The following PIK3C2A variants were observed in gnomAD, a reference collection of about 807,000 sequenced individuals.
PIK3C2A encodes the protein phosphatidylinositol-4-phosphate 3-kinase catalytic subunit type 2 alpha.
PIK3C2A carries 97 observed loss-of-function variants against 204.5 expected under a neutral mutation model. The observed-to-expected ratio is 0.47, with a 90% CI of 0.40 to 0.56. PIK3C2A has a LOEUF of 0.56. Ranked by LOEUF, PIK3C2A falls within the 20% of genes least tolerant of loss-of-function variation. The pLI is 0.00. For missense variants in PIK3C2A, 1,735 were observed against 1,969.2 expected (o/e 0.88, Z 2.25); for synonymous variants, 653 against 664.4 (o/e 0.98, Z 0.26).
chr11:17,202,442 C>T (rs1852422160), intron 1 of PIK3C2A, among the ~76,000 whole-genome samples: 1 of 151,820 alleles, frequency 6.6e-6, no homozygotes, highest in South Asian at 2.1e-4. Context: ...GGCGTGATGG[C>T]ACGTGCTTGT....
At chr11:17,162,133 C>G (rs1403872885) in intron 2 of PIK3C2A, among the ~76,000 whole-genome samples, 4 of 152,026 alleles carry the variant, frequency 2.6e-5, no homozygotes, top group Admixed American at 6.6e-5. Context: ...GTCACGAGTT[C>G]AAGACCAGCC....
intron 24 of PIK3C2A, among the ~76,000 whole-genome samples, 165 bp downstream of exon 24, chr11:17,102,497 T>C (rs1848671866): frequency 6.6e-6 from 1 of 152,096 alleles, no homozygotes; most frequent in African/African-American, 2.4e-5. Context: ...TATACACATT[T>C]ACACACATTC....
intron 8 of PIK3C2A, among the ~76,000 whole-genome samples, chr11:17,145,401 G>T (rs191708649): frequency 6.6e-6 from 1 of 152,108 alleles, no homozygotes; most frequent in Non-Finnish European, 1.5e-5. Flanking sequence ...GAGATCTGAC[G>T]ATTTTATAAT....
chr11:17,132,613 G>A (rs566410765), intron 11 of PIK3C2A, among the ~76,000 whole-genome samples: 2 of 152,092 alleles, frequency 1.3e-5, no homozygotes, highest in African/African-American at 4.8e-5. Context: ...ACAGGCGTGA[G>A]CCACCGCGCC....
rs1181629254 is a variant in PIK3C2A at position 17,168,669 on chromosome 11, G to T, written c.1065+8C>A. On this transcript the variant is annotated splice_region_variant and intron_variant, in intron 2 of 32. Coordinates refer to ENST00000691414, the MANE Select transcript of PIK3C2A (RefSeq NM_002645.4). ...TAAGTTTGAGAAGTTAGTAAGAAAA[G>T]ACTATACCTGAGATATATGGCCCTG... The T allele has an allele frequency of 4.0e-6, 6 of 1,489,036 alleles. No homozygotes were observed. The highest frequency in any genetic ancestry group is 5.5e-6 in the Non-Finnish European group (6 of 1,098,898). 92.2% of individuals were successfully genotyped at this position (1,489,036 alleles called of 1,614,324 possible). A position where few individuals can be genotyped will look rare whatever the true frequency, so the allele number is the denominator to read the frequency against.
At chr11:17,128,502 T>C (rs1488379344) in intron 13 of PIK3C2A, among the ~76,000 whole-genome samples, 2 of 152,118 alleles carry the variant, frequency 1.3e-5, no homozygotes, top group Admixed American at 1.3e-4. Context: ...GACTACCAAA[T>C]TGCTGGGGTT....
intron 26 of PIK3C2A, among the ~76,000 whole-genome samples, chr11:17,098,443 T>G (rs1848516039): frequency 6.6e-6 from 1 of 152,248 alleles, no homozygotes; most frequent in Admixed American, 6.5e-5. Context: ...AGTAATGTAA[T>G]TGGCTGGCAC....
intron 6 of PIK3C2A, 111 bp downstream of exon 6, chr11:17,147,406 C>T: frequency 1.6e-6 from 1 of 642,056 alleles, no homozygotes. Flanking sequence ...ATGAGTTCAT[C>T]ACCCCATTCT....
intron 1 of PIK3C2A, among the ~76,000 whole-genome samples, chr11:17,200,056 C>T (rs1466005480): frequency 6.6e-6 from 1 of 151,700 alleles, no homozygotes; most frequent in Non-Finnish European, 1.5e-5. Context: ...CATAGTGGTG[C>T]GTGCCTGTAA....
intron 1 of PIK3C2A, among the ~76,000 whole-genome samples, chr11:17,184,838 G>C (rs1392631059): frequency 2.0e-5 from 3 of 152,134 alleles, no homozygotes; most frequent in Non-Finnish European, 4.4e-5. Context: ...AGCTACTCAG[G>C]AGGCTGAGGT....
Position 17,091,412 on chromosome 11 carries a change from T to C in PIK3C2A, c.4800A>G (p.Leu1600=). 2 of 1,613,772 alleles carry C rather than the reference T, an allele frequency of 1.2e-6. No homozygotes were observed. The highest frequency in any genetic ancestry group is 1.7e-6 in the Non-Finnish European group (2 of 1,179,726). The stretch of plus-strand genomic sequence containing the variant: ...TGGATGTTTTGTGGTTATCTGGAAG[T>C]AGGTATGTTTTGACATATGGATTTG... ...ADPNPYVKTY[L]LPDNHKTSKR... The change falls in exon 32 of 33, where the codon CTA becomes CTG. Residue 1600 remains leucine (L), a synonymous_variant. Coordinates refer to ENST00000691414, the MANE Select transcript of PIK3C2A (RefSeq NM_002645.4).
Position 17,112,623 on chromosome 11 carries a change from G to T in PIK3C2A, c.3365C>A (p.Thr1122Lys). Reference protein sequence around the residue: ...FSSNAVPLKVTMVNADPMGEE... With the variant: ...FSSNAVPLKVKMVNADPMGEE... ...TCCCATAGGGTCAGCATTCACCATT[G>T]TGACTTTTAGGGGGACAGCATTAGA... The change falls in exon 21 of 33, where the codon ACA becomes AAA. Residue 1122 changes from threonine to lysine, a missense_variant. Coordinates refer to ENST00000691414, the MANE Select transcript of PIK3C2A (RefSeq NM_002645.4). 6.4e-7 allele frequency: 1 copy of T among 1,561,162 alleles called. No homozygotes were observed. Among genetic ancestry groups the T allele is most frequent in the Non-Finnish European group, 8.7e-7 (1 of 1,148,220 alleles).
intron 19 of PIK3C2A, among the ~76,000 whole-genome samples, chr11:17,117,120 T>C: frequency 6.6e-6 from 1 of 152,154 alleles, no homozygotes; most frequent in East Asian, 1.9e-4. Context: ...AGTATAGACG[T>C]ATCCATATTG....
intron 1 of PIK3C2A, among the ~76,000 whole-genome samples, chr11:17,180,690 C>T (rs970522385): frequency 4.6e-5 from 7 of 152,040 alleles, no homozygotes; most frequent in Admixed American, 6.6e-5. Context: ...GATGTGGTGG[C>T]GCACACCTGT....
chr11:17,118,867 A>G, intron 17 of PIK3C2A, 128 bp from the exon 18 acceptor site: 1 of 553,558 alleles, frequency 1.8e-6, no homozygotes, highest in East Asian at 3.1e-5. Context: ...ACTTATAAAA[A>G]TTAAATAGAT....
intron 13 of PIK3C2A, among the ~76,000 whole-genome samples, chr11:17,123,380 C>A (rs1405503688): frequency 6.6e-6 from 1 of 150,908 alleles, no homozygotes; most frequent in Non-Finnish European, 1.5e-5. Flanking sequence ...TCCCAAGTAG[C>A]TAGGACTATA....
chr11:17,199,963 G>A (rs1852309751), intron 1 of PIK3C2A, among the ~76,000 whole-genome samples: 2 of 148,384 alleles, frequency 1.3e-5, no homozygotes, highest in South Asian at 4.2e-4. Context: ...AGAAGAGAAT[G>A]AACAGTCACT....
chr11:17,143,081 G>C (rs565765988), intron 8 of PIK3C2A, among the ~76,000 whole-genome samples: 1 of 151,700 alleles, frequency 6.6e-6, no homozygotes, highest in East Asian at 1.9e-4. Context: ...ATTATCTCTA[G>C]CCTGGACACT....
At chr11:17,181,603 A>AATATATATAT (rs148434889) in intron 1 of PIK3C2A, among the ~76,000 whole-genome samples, 1 of 101,594 alleles carries the variant, frequency 9.8e-6, no homozygotes, top group African/African-American at 4.7e-5. Context: ...CCCATTTTTA[A>AATATATATAT]ATATATATAT....
Sources: gnomAD v4.1 joint callset for allele counts (sites outside exome capture counted in the v4.1 genomes callset) on GRCh38, gnomAD v4.1.1 for gene constraint, MANE v1.5 for transcripts, NCBI Gene and HGNC (gene_info 2026-07-23, HGNC 2026-07-21) for gene names.